PMS1: variants seen among roughly 807,000 people sequenced by gnomAD.
PMS1 encodes the protein PMS1 homolog 1, mismatch repair system component, also known as PMS1 protein homolog 1.
A neutral mutation model predicts 93.1 loss-of-function variants in PMS1; 79 were observed. The ratio of observed to expected loss-of-function variants is 0.85; its 90% CI spans 0.71 to 1.02. PMS1 has a LOEUF of 1.02. Ranked by LOEUF, PMS1 falls within the 50% of genes least tolerant of loss-of-function variation. PMS1 has a pLI of 0.00. For synonymous variants in PMS1, 335 were observed against 363.4 expected, an observed-to-expected ratio of 0.92 and a Z score of 0.89; for missense variants, 1,064 against 1,085.3, an observed-to-expected ratio of 0.98 and a Z score of 0.28.
At chr2:189,805,843 A>G in intron 4 of PMS1, 89 bp downstream of exon 4, 1 of 1,572,310 alleles carries the variant, frequency 6.4e-7, no homozygotes, top group East Asian at 2.3e-5. Context: ...GTGAATACAA[A>G]TATATTGCTT....
intron 3 of PMS1, among the ~76,000 whole-genome samples, chr2:189,800,608 T>G (rs898315110): frequency 2.0e-5 from 3 of 152,182 alleles, no homozygotes; most frequent in Admixed American, 6.5e-5. Context: ...AAATATATTT[T>G]CAAGACTAGC....
In PMS1 at chr2:189,833,602, A is replaced by G. The variant is rs144325704; in HGVS notation, c.583-10362A>G. Among the ~76,000 whole-genome samples the G allele has an allele frequency of 3.1e-3, 475 of 152,138 alleles. 4 individuals are homozygous for G. The highest frequency in any genetic ancestry group is 0.011 in the African/African-American group (458 of 41,502). ...TCAAAAACAAAAAAGAAGTAAATTC[A>G]TTTTCATTTGGGTAATTAAATATTT... On this transcript the variant is annotated intron_variant, in intron 5 of 12. Transcript: ENST00000441310.
chr2:189,877,211 A>G (rs971003103), intron 12 of PMS1, 61 bp from the exon 13 acceptor site: 4 of 1,352,918 alleles, frequency 3.0e-6, no homozygotes, highest in African/African-American at 2.9e-5. Flanking sequence ...TTTTGCCAGG[A>G]TAACATGTTT....
At chr2:189,788,685 T>TA (rs2048584120) in intron 1 of PMS1, among the ~76,000 whole-genome samples, 1 of 152,240 alleles carries the variant, frequency 6.6e-6, no homozygotes, top group African/African-American at 2.4e-5. Context: ...TGTAATCTAG[T>TA]GTATCCAAAT....
intron 5 of PMS1, among the ~76,000 whole-genome samples, chr2:189,839,270 C>T (rs1363877437): frequency 6.6e-6 from 1 of 152,192 alleles, no homozygotes; most frequent in African/African-American, 2.4e-5. Context: ...GGATTACAGG[C>T]ACGAGCCACC....
Position 189,811,433 on chromosome 2 carries a change from C to G in PMS1, c.418+5679C>G, listed in dbSNP as rs151042175. 7.0e-3 allele frequency among the ~76,000 whole-genome samples: 1,058 copies of G among 152,022 alleles called. 7 individuals carry two copies. Among genetic ancestry groups the G allele is most frequent in the African/African-American group, 0.024 (982 of 41,484 alleles). ...TTAAACCCCATCTCTACCAAAAATA[C>G]AAAAATTACCCAATTTTTTTGTGTT... On this transcript the variant is annotated intron_variant, in intron 4 of 12. Coordinates refer to ENST00000441310, the MANE Select transcript of PMS1 (RefSeq NM_000534.5).
intron 5 of PMS1, among the ~76,000 whole-genome samples, chr2:189,822,228 G>C (rs766112729): frequency 6.6e-6 from 1 of 152,192 alleles, no homozygotes; most frequent in African/African-American, 2.4e-5. Flanking sequence ...CACCCTGGTC[G>C]GGGAGAGTCC....
chr2:189,844,547 G>A (rs1002672602), intron 6 of PMS1, among the ~76,000 whole-genome samples: 2 of 150,804 alleles, frequency 1.3e-5, no homozygotes, highest in African/African-American at 4.9e-5. Flanking sequence ...GGGAGGCTAA[G>A]GCAGGATAAT....
intron 7 of PMS1, 99 bp from the exon 8 acceptor site, chr2:189,853,834 AATAAGC>A: frequency 1.4e-6 from 1 of 710,426 alleles, no homozygotes; most frequent in South Asian, 1.9e-5. Context: ...TGCTTTTCCT[AATAAGC>A]AGTTGCATCT....
chr2:189,814,221 A>G (rs532076851), intron 4 of PMS1, among the ~76,000 whole-genome samples: 1 of 152,228 alleles, frequency 6.6e-6, no homozygotes, highest in South Asian at 2.1e-4. Flanking sequence ...ATGTTAGAAC[A>G]TGGTGTTCCA....
intron 4 of PMS1, among the ~76,000 whole-genome samples, chr2:189,817,385 G>A (rs1031037314): frequency 1.3e-5 from 2 of 152,100 alleles, no homozygotes; most frequent in East Asian, 1.9e-4. Context: ...TGTACCTATC[G>A]TATATGGCTA....
At chr2:189,876,826 G>A (rs999439656) in intron 12 of PMS1, among the ~76,000 whole-genome samples, 1 of 145,382 alleles carries the variant, frequency 6.9e-6, no homozygotes, top group African/African-American at 2.6e-5. Flanking sequence ...TGCCCAGGCT[G>A]GTCTCGAACT....
chr2:189,817,093 G>A (rs1001035899), intron 4 of PMS1, among the ~76,000 whole-genome samples: 1 of 152,208 alleles, frequency 6.6e-6, no homozygotes, highest in Non-Finnish European at 1.5e-5. Flanking sequence ...TAAGGAGGAT[G>A]CTACTGGCAT....
chr2:189,855,818 A>T, intron 9 of PMS1: 2 of 793,652 alleles, frequency 2.5e-6, no homozygotes, highest in African/African-American at 1.8e-5. Flanking sequence ...GAATGTTTTT[A>T]ATTGACTTAG....
intron 4 of PMS1, among the ~76,000 whole-genome samples, chr2:189,813,718 T>C (rs1651149272): frequency 6.6e-6 from 1 of 152,224 alleles, no homozygotes; most frequent in South Asian, 2.1e-4. Flanking sequence ...TTGAAATTGA[T>C]GGCACCAGAA....
intron 5 of PMS1, among the ~76,000 whole-genome samples, chr2:189,831,529 A>C (rs1439950236): frequency 6.6e-6 from 1 of 152,214 alleles, no homozygotes; most frequent in Non-Finnish European, 1.5e-5. Context: ...AAGATAACTG[A>C]TTTATTTAAC....
chr2:189,869,362 C>T (rs568775579), intron 11 of PMS1, among the ~76,000 whole-genome samples: 1 of 152,228 alleles, frequency 6.6e-6, no homozygotes, highest in East Asian at 1.9e-4. Flanking sequence ...TTTAGTCTTC[C>T]TAGAAATATT....
intron 5 of PMS1, among the ~76,000 whole-genome samples, chr2:189,822,305 T>A (rs559314402): frequency 1.3e-5 from 2 of 152,290 alleles, no homozygotes; most frequent in South Asian, 2.1e-4. Flanking sequence ...TGAAACCTGA[T>A]GAAACTCTTA....
At chr2:189,800,627 A>T (rs764638187) in intron 3 of PMS1, among the ~76,000 whole-genome samples, 4 of 152,312 alleles carry the variant, frequency 2.6e-5, no homozygotes, top group Non-Finnish European at 5.9e-5. Flanking sequence ...GCTTATTTTG[A>T]AACTTTTTAG....
Sources: gnomAD v4.1 joint callset for allele counts (sites outside exome capture counted in the v4.1 genomes callset) on GRCh38, gnomAD v4.1.1 for gene constraint, MANE v1.5 for transcripts, NCBI Gene and HGNC (gene_info 2026-07-23, HGNC 2026-07-21) for gene names.